Variants in EYA1 observed in about 807,000 individuals in gnomAD.
The protein encoded by EYA1 is protein phosphatase EYA1.
Under a neutral mutation model 82.0 loss-of-function variants are expected in EYA1, and 16 were observed. That is an observed-to-expected ratio of 0.20 (90% CI 0.13 to 0.30). The LOEUF (loss-of-function observed/expected upper bound fraction) is 0.30, where lower values mean the gene tolerates loss of function less well. Ranked by LOEUF, EYA1 falls within the 10% of genes least tolerant of loss-of-function variation. The probability of loss-of-function intolerance (pLI) is 1.00; values close to 1 mark genes in which losing one functional copy is unlikely to be tolerated. For missense variants in EYA1, 633 were observed against 730.7 expected (o/e 0.87, Z 1.54); for synonymous variants, 261 against 264.4 (o/e 0.99, Z 0.12).
At chr8:71,208,498 T>G (rs368283593) in intron 17 of EYA1, among the ~76,000 whole-genome samples, 5 of 152,180 alleles carry the variant, frequency 3.3e-5, no homozygotes, top group African/African-American at 1.2e-4. Flanking sequence ...ATCTTTTAAC[T>G]AAAACCTTTT....
At chr8:71,426,492 C>T (rs1805236638) in intron 2 of EYA1, among the ~76,000 whole-genome samples, 3 of 152,322 alleles carry the variant, frequency 2.0e-5, no homozygotes, top group Admixed American at 6.5e-5. Context: ...TAACTACCAA[C>T]GCAGGGAAGA....
chr8:71,455,550 C>T (rs534150919), intron 2 of EYA1, among the ~76,000 whole-genome samples: 6 of 152,310 alleles, frequency 3.9e-5, no homozygotes, highest in East Asian at 1.9e-4. Context: ...CATCAAAAGG[C>T]TTATCCACGA....
At chr8:71,464,872 G>A (rs188388794) in intron 2 of EYA1, among the ~76,000 whole-genome samples, 2 of 152,248 alleles carry the variant, frequency 1.3e-5, no homozygotes, top group East Asian at 3.9e-4. Context: ...CAAAGGACAT[G>A]TAGGACATTG....
intron 2 of EYA1, among the ~76,000 whole-genome samples, chr8:71,453,541 A>T (rs1056625894): frequency 2.0e-5 from 3 of 152,240 alleles, no homozygotes; most frequent in African/African-American, 7.2e-5. Context: ...TTACCCACGA[A>T]GGGAAGCCCA....
At chr8:71,491,445 C>T (rs1267056096) in intron 2 of EYA1, among the ~76,000 whole-genome samples, 22 of 152,050 alleles carry the variant, frequency 1.4e-4, no homozygotes, top group Admixed American at 1.4e-3. Flanking sequence ...ATGCTGAAGC[C>T]CTAGCCCCAG....
At chr8:71,298,600 G>A (rs1563420532) in intron 9 of EYA1, among the ~76,000 whole-genome samples, 2 of 152,142 alleles carry the variant, frequency 1.3e-5, no homozygotes, top group Non-Finnish European at 2.9e-5. Context: ...CCACATGTGG[G>A]AAAGCAGAGG....
At chr8:71,345,157 T>G (rs988221321) in intron 3 of EYA1, among the ~76,000 whole-genome samples, 22 of 152,200 alleles carry the variant, frequency 1.4e-4, no homozygotes, top group Admixed American at 5.2e-4. Context: ...GTTTTGAGCA[T>G]GTAGTAGATA....
chr8:71,460,632 C>A (rs773486794), intron 2 of EYA1, among the ~76,000 whole-genome samples: 16 of 152,126 alleles, frequency 1.1e-4, no homozygotes. Context: ...AACCACAATG[C>A]GAAGACAGGA....
At chr8:71,450,809 T>G (rs1807301034) in intron 2 of EYA1, among the ~76,000 whole-genome samples, 1 of 152,222 alleles carries the variant, frequency 6.6e-6, no homozygotes, top group Admixed American at 6.5e-5. Flanking sequence ...GGATAGAGAC[T>G]GCAATCTGTG....
intron 2 of EYA1, among the ~76,000 whole-genome samples, chr8:71,407,411 C>T (rs1430566189): frequency 3.0e-4 from 44 of 145,956 alleles, no homozygotes; most frequent in Middle Eastern, 3.5e-3. Flanking sequence ...AGGTTTCAGA[C>T]GATCAAATTA....
chr8:71,255,940 G>A (rs1481452920), intron 11 of EYA1, among the ~76,000 whole-genome samples: 1 of 152,046 alleles, frequency 6.6e-6, no homozygotes, highest in African/African-American at 2.4e-5. Context: ...TGGTCAAAAA[G>A]CACATGAAAT....
intron 2 of EYA1, among the ~76,000 whole-genome samples, chr8:71,406,485 G>A (rs991322632): frequency 9.2e-5 from 14 of 152,208 alleles, no homozygotes; most frequent in African/African-American, 3.4e-4. Flanking sequence ...ACTAGGGAGT[G>A]CCAGACAGTG....
At chr8:71,398,059 C>T (rs1829733296) in intron 2 of EYA1, among the ~76,000 whole-genome samples, 1 of 152,078 alleles carries the variant, frequency 6.6e-6, no homozygotes, top group South Asian at 2.1e-4. Context: ...TCACTGACAC[C>T]CTGTCTTCCA....
intron 7 of EYA1, among the ~76,000 whole-genome samples, chr8:71,314,783 C>T (rs1032629676): frequency 6.6e-6 from 1 of 152,038 alleles, no homozygotes; most frequent in African/African-American, 2.4e-5. Flanking sequence ...GAAATGGGTC[C>T]TAATGTCCCA....
At chr8:71,534,182 T>C (rs1814512197) in intron 2 of EYA1, among the ~76,000 whole-genome samples, 1 of 152,146 alleles carries the variant, frequency 6.6e-6, no homozygotes, top group South Asian at 2.1e-4. Context: ...GGGAGCAGAG[T>C]TCATAAAAGG....
At chr8:71,335,401 A>T (rs1586428235) in intron 3 of EYA1, among the ~76,000 whole-genome samples, 1 of 152,236 alleles carries the variant, frequency 6.6e-6, no homozygotes, top group Admixed American at 6.5e-5. Context: ...TAGTTTAAAA[A>T]TAAGCATTAT....
chr8:71,414,455 G>C (rs1830758096), intron 2 of EYA1, among the ~76,000 whole-genome samples: 1 of 152,166 alleles, frequency 6.6e-6, no homozygotes, highest in Non-Finnish European at 1.5e-5. Context: ...TGTCATCTTT[G>C]ACAAGGTTTA....
chr8:71,258,827 T>C (rs1392957302), intron 11 of EYA1, among the ~76,000 whole-genome samples: 2 of 152,190 alleles, frequency 1.3e-5, no homozygotes. Flanking sequence ...GCGGTATGTA[T>C]TTATCCTCAA....
intron 2 of EYA1, among the ~76,000 whole-genome samples, chr8:71,429,329 A>G (rs748488067): frequency 2.6e-5 from 4 of 152,194 alleles, no homozygotes; most frequent in Non-Finnish European, 5.9e-5. Flanking sequence ...ATAAATGATA[A>G]AAGATGTCTA....
Sources: gnomAD v4.1 joint callset for allele counts (sites outside exome capture counted in the v4.1 genomes callset) on GRCh38, gnomAD v4.1.1 for gene constraint, MANE v1.5 for transcripts, NCBI Gene and HGNC (gene_info 2026-07-23, HGNC 2026-07-21) for gene names.